TNS1: variants seen among roughly 807,000 people sequenced by gnomAD.
TNS1 encodes the protein tensin 1, also known as tensin-1.
A neutral mutation model predicts 168.6 loss-of-function variants in TNS1; 62 were observed. The observed-to-expected ratio is 0.37, with a 90% CI of 0.30 to 0.45. The LOEUF (loss-of-function observed/expected upper bound fraction) is 0.45. TNS1 is among the 20% of genes least tolerant of loss of function. The pLI, the probability that TNS1 is intolerant of heterozygous loss-of-function variation, is 1.00. For synonymous variants in TNS1, 934 were observed against 933.2 expected (o/e 1.00, Z -0.02); for missense variants, 2,240 against 2,339.4 (o/e 0.96, Z 0.88).
intron 30 of TNS1, 109 bp from the exon 31 acceptor site, chr2:217,808,780 G>A (rs150479395): frequency 7.2e-6 from 7 of 976,212 alleles, no homozygotes; most frequent in African/African-American, 1.6e-5. Flanking sequence ...GCTATCGCAG[G>A]TCCACACAAC....
At chr2:217,865,293 G>A (rs116642150) in intron 18 of TNS1, among the ~76,000 whole-genome samples, 1 of 152,340 alleles carries the variant, frequency 6.6e-6, no homozygotes, top group African/African-American at 2.4e-5. Context: ...TAGGCTGAAA[G>A]TGACTCACTT....
intron 4 of TNS1, among the ~76,000 whole-genome samples, chr2:217,915,128 G>A (rs1954855071): frequency 6.6e-6 from 1 of 152,170 alleles, no homozygotes; most frequent in Admixed American, 6.5e-5. Context: ...CCTGCCCAGT[G>A]CCTTGGGATG....
chr2:217,893,424 A>ACACG lies in TNS1; in HGVS notation c.717+14_717+15insCGTG. 1 of 1,592,784 alleles carries ACACG rather than the reference A, an allele frequency of 6.3e-7. No individual in the cohort carries two copies. Among genetic ancestry groups the ACACG allele is most frequent in the Non-Finnish European group, 8.6e-7 (1 of 1,165,860 alleles). On this transcript the variant is annotated intron_variant, in intron 10 of 32. Coordinates refer to ENST00000682258, the MANE Select transcript of TNS1 (RefSeq NM_001387777.1). The stretch of plus-strand genomic sequence containing the variant: ...CGCACACACACACACACACACACAC[A>ACACG]CACACAGCTCTGACCTTGTTGTGTA...
intron 32 of TNS1, among the ~76,000 whole-genome samples, chr2:217,806,411 C>T (rs1315592365): frequency 6.6e-6 from 1 of 152,206 alleles, no homozygotes; most frequent in East Asian, 1.9e-4. Context: ...CTTGGCCTCT[C>T]CCTGTGGCCT....
intron 32 of TNS1, among the ~76,000 whole-genome samples, chr2:217,804,925 A>G (rs1938180308): frequency 6.6e-6 from 1 of 152,054 alleles, no homozygotes; most frequent in East Asian, 1.9e-4. Flanking sequence ...AAATGGGAAC[A>G]TTCCTAGACA....
chr2:217,808,719 G>T (rs764923677), intron 30 of TNS1, 48 bp from the exon 31 acceptor site: 8 of 1,571,974 alleles, frequency 5.1e-6, no homozygotes, highest in Non-Finnish European at 7.0e-6. Context: ...TGAAGGGGCT[G>T]CTTTTCCCCT....
Position 217,813,753 on chromosome 2 carries a change from C to T in TNS1, c.4793G>A (p.Arg1598Gln), listed in dbSNP as rs16858264. ...CTTCATGGCCAGCCCGTACGCGCCT[C>T]GGAAGGAGTGACTGTCGCGGATGAT... ...AFIIRDSHSFRGAYGLAMKVS... is the reference protein window; with the variant it reads ...AFIIRDSHSFQGAYGLAMKVS... The change falls in exon 26 of 33, where the codon CGA (arginine) becomes CAA (glutamine). Residue 1598 changes from arginine to glutamine, a missense_variant. Arg to Gln is a conservative substitution (Grantham distance 43). Around this residue, in one of 2 missense-constraint regions of TNS1, gnomAD observed 2,131 missense variants for 2,171.2 expected, o/e 0.98. Transcript: ENST00000682258. This position sits in a 1 kb window ranked among gnomAD's most constrained non-coding sequence, Gnocchi z 4.0. The T allele has an allele frequency of 1.3e-5, 21 of 1,613,994 alleles. No homozygotes were observed. The East Asian group carries it at 2.5e-4, about 19-fold the overall frequency.
At chr2:217,983,211 G>A (rs796176586) in intron 2 of TNS1, among the ~76,000 whole-genome samples, 22 of 152,276 alleles carry the variant, frequency 1.4e-4, no homozygotes, top group African/African-American at 5.3e-4. Context: ...AGAAACAAGA[G>A]CAGGAAAACC....
chr2:217,887,320 G>C (rs574392210), intron 12 of TNS1, among the ~76,000 whole-genome samples: 1 of 152,176 alleles, frequency 6.6e-6, no homozygotes, highest in East Asian at 1.9e-4. Flanking sequence ...TTTTGTTTTT[G>C]TTTTTGAGAT....
chr2:217,846,159 G>C (rs955311644), intron 19 of TNS1, among the ~76,000 whole-genome samples: 4 of 152,268 alleles, frequency 2.6e-5, no homozygotes, highest in African/African-American at 7.2e-5. Context: ...CCTTTGTTCC[G>C]ATGCTCAGGT....
chr2:217,953,039 A>G (rs56277119), intron 3 of TNS1, among the ~76,000 whole-genome samples: 16,773 of 152,260 alleles, frequency 0.11, 955 homozygotes, highest in Middle Eastern at 0.17. Flanking sequence ...AGGCCTCTGC[A>G]TCACACTGGT....
At chr2:217,809,097 T>C (rs149137977) in intron 30 of TNS1, among the ~76,000 whole-genome samples, 1 of 152,246 alleles carries the variant, frequency 6.6e-6, no homozygotes, top group East Asian at 1.9e-4. Flanking sequence ...GGTGGATGGA[T>C]AGATGAATGG....
intron 6 of TNS1, 79 bp from the exon 7 acceptor site, chr2:217,900,591 G>C: frequency 7.2e-7 from 1 of 1,387,308 alleles, no homozygotes. Context: ...AGCTGTCCAC[G>C]GGGGCAAACA....
In TNS1 at chr2:217,995,095, G is replaced by A. The variant is rs1000799211; in HGVS notation, c.34-4039C>T. Among the ~76,000 whole-genome samples, 2 of 152,098 alleles carry A rather than the reference G, an allele frequency of 1.3e-5. No homozygotes were observed. The highest frequency in any genetic ancestry group is 4.8e-5 in the African/African-American group (2 of 41,416). On this transcript the variant is annotated intron_variant, in intron 1 of 32. Transcript: ENST00000682258. This position sits in a 1 kb window ranked among gnomAD's most constrained non-coding sequence, Gnocchi z 4.1. The stretch of plus-strand genomic sequence containing the variant: ...GGGACTTGCAGATGATTCAGAGAGT[G>A]GAATGAATGAGGAGACATCACTCCT...
chr2:218,019,882 C>T (rs1958792456), intron 1 of TNS1, among the ~76,000 whole-genome samples: 1 of 152,112 alleles, frequency 6.6e-6, no homozygotes, highest in Non-Finnish European at 1.5e-5. Flanking sequence ...CCCAAGATCA[C>T]ACCTAAGACC....
At chr2:217,844,630 C>G (rs1305168389) in intron 19 of TNS1, among the ~76,000 whole-genome samples, 1 of 152,238 alleles carries the variant, frequency 6.6e-6, no homozygotes, top group Non-Finnish European at 1.5e-5. Context: ...ACACTTAACA[C>G]TGCCTTCCCC....
At chr2:217,956,065 G>A (rs1665185217) in intron 3 of TNS1, among the ~76,000 whole-genome samples, 1 of 152,194 alleles carries the variant, frequency 6.6e-6, no homozygotes, top group Non-Finnish European at 1.5e-5. Flanking sequence ...GAAGGCTCTG[G>A]AGGAAATGGG....
rs1039609673 is a variant in TNS1, at chr2:217,926,332, T to A, written c.187-6096A>T. Among the ~76,000 whole-genome samples the A allele has an allele frequency of 2.6e-5, 4 of 152,340 alleles. No homozygotes were observed. In the East Asian group the frequency reaches 7.7e-4, roughly 29 times the overall value. On this transcript the variant is annotated intron_variant, in intron 3 of 32. Transcript: ENST00000682258. ...GCATCATATTTTCAAGAGTCATTCA[T>A]GTTGTAGCATGTATGAGAACTTCTT...
At chr2:217,952,953 G>A (rs1051765368) in intron 3 of TNS1, among the ~76,000 whole-genome samples, 1 of 152,196 alleles carries the variant, frequency 6.6e-6, no homozygotes, top group Non-Finnish European at 1.5e-5. Context: ...GACAGGTATG[G>A]AGTCCCAAAA....
Sources: allele counts gnomAD v4.1 joint callset (sites outside exome capture counted in the v4.1 genomes callset), GRCh38; gene constraint gnomAD v4.1.1; regional missense constraint gnomAD v4.1.1; non-coding constraint Gnocchi (gnomAD v3.1); transcripts MANE v1.5; gene names NCBI Gene and HGNC (gene_info 2026-07-23, HGNC 2026-07-21).